Variants in GOLGA1 observed in about 807,000 individuals in gnomAD.
The protein encoded by GOLGA1 is golgin subfamily A member 1.
A neutral mutation model predicts 119.7 loss-of-function variants in GOLGA1; 63 were observed. The observed-to-expected ratio is 0.53, with a 90% CI of 0.43 to 0.65. The LOEUF is 0.65. GOLGA1 is among the 30% of genes least tolerant of loss of function. GOLGA1 has a pLI of 0.00. For missense variants in GOLGA1, 798 were observed against 912.8 expected (o/e 0.87, Z 1.62); for synonymous variants, 318 against 333.4 (o/e 0.95, Z 0.50).
intron 12 of GOLGA1, among the ~76,000 whole-genome samples, chr9:124,904,638 G>A (rs1423292945): frequency 3.3e-5 from 5 of 151,912 alleles, no homozygotes; most frequent in African/African-American, 9.7e-5. Flanking sequence ...GTGAAACCCC[G>A]TCTCCACTAA....
chr9:124,922,572 G>A (rs1236777245), intron 8 of GOLGA1, among the ~76,000 whole-genome samples: 8 of 143,714 alleles, frequency 5.6e-5, no homozygotes, highest in East Asian at 4.0e-4. Context: ...AAAAAAGAAA[G>A]AAAGAAAGGA....
chr9:124,931,328 C>T lies in GOLGA1; in HGVS notation c.214G>A (p.Ala72Thr). ...TTCTTAGACATACCAGAAAGTCTGG[C>T]CTCTAACTTCCGTATCTGTTCATTC... ...RRNEQIRKLE[A>T]RLSDYAEQVR... Residue 72 changes from alanine (A) to threonine (T), a missense_variant, in exon 4 of 23, where the codon GCC becomes ACC. Ala to Thr is a moderately conservative substitution (Grantham distance 58). Coordinates refer to ENST00000373555, the MANE Select transcript of GOLGA1 (RefSeq NM_002077.4). The T allele has an allele frequency of 1.3e-6, 2 of 1,534,596 alleles. No homozygotes were observed. Among genetic ancestry groups the T allele is most frequent in the Non-Finnish European group, 9.0e-7 (1 of 1,107,576 alleles).
rs916948079 is a variant in GOLGA1, at chr9:124,878,586, T to G, written c.*1944A>C. On this transcript the variant is annotated 3_prime_UTR_variant, in exon 23 of 23. Coordinates refer to ENST00000373555, the MANE Select transcript of GOLGA1 (RefSeq NM_002077.4). ...AGAATATTTATTCCACTCTTCCTCT[T>G]AAAGCTGAAGGAAATTCAACATGCA... is the stretch of plus-strand genomic sequence containing the variant. 2 of 152,560 alleles carry G rather than the reference T, an allele frequency of 1.3e-5. No homozygotes were observed. The highest frequency in any genetic ancestry group is 1.3e-4 in the Admixed American group (2 of 15,278). The allele number at this position is 152,560 out of a possible 1,614,324, so 9.5% of individuals were successfully genotyped here. A position where few individuals can be genotyped will look rare whatever the true frequency, so the allele number is the denominator to read the frequency against.
chr9:124,920,752 G>A (rs1830549989), intron 10 of GOLGA1, among the ~76,000 whole-genome samples: 1 of 151,632 alleles, frequency 6.6e-6, no homozygotes, highest in Admixed American at 6.6e-5. Flanking sequence ...TGGCCAACAT[G>A]GTAAAACCCT....
rs376526127 is a variant in GOLGA1, at chr9:124,926,714, C to T, written c.427G>A (p.Glu143Lys). The T allele has an allele frequency of 8.5e-5, 134 of 1,582,856 alleles. No individual in the cohort carries two copies. The highest frequency in any genetic ancestry group is 2.0e-4 in the Admixed American group (12 of 59,694). The change falls in exon 7 of 23, where the codon GAA becomes AAA. Residue 143 changes from glutamate (E) to lysine (K), a missense_variant. Transcript: ENST00000373555. Reference sequence around the variant, plus strand: ...AAAAATAAAGATGAACTAACCTTTTCAAGCTGATCCATCTTTTCTGACCAT... The same window carrying T: ...AAAAATAAAGATGAACTAACCTTTTTAAGCTGATCCATCTTTTCTGACCAT... ...QEWSEKMDQL[E>K]KEKNILTAQL...
At chr9:124,918,013 C>T (rs1588085063) in intron 10 of GOLGA1, among the ~76,000 whole-genome samples, 1 of 152,166 alleles carries the variant, frequency 6.6e-6, no homozygotes, top group South Asian at 2.1e-4. Context: ...CCACCATGCC[C>T]AGCTAATTTT....
In GOLGA1 at chr9:124,938,818, G is replaced by C; in HGVS notation, c.-107C>G. 1.2e-6 allele frequency: 1 copy of C among 855,698 alleles called. No homozygotes were observed. Among genetic ancestry groups the C allele is most frequent in the Non-Finnish European group, 1.8e-6 (1 of 564,270 alleles). The allele number at this position is 855,698 out of a possible 1,614,324, so 53.0% of individuals were successfully genotyped here. On this transcript the variant is annotated 5_prime_UTR_variant, in exon 3 of 23. Coordinates refer to ENST00000373555, the MANE Select transcript of GOLGA1 (RefSeq NM_002077.4). ...TACAAAGTTTCAGACATCCAAGCTA[G>C]CTGCATTCCCACTTAAATGTGGGCC... is the stretch of plus-strand genomic sequence containing the variant.
chr9:124,928,375 A>C, intron 5 of GOLGA1, 90 bp from the exon 6 acceptor site: 20 of 603,940 alleles, frequency 3.3e-5, no homozygotes, highest in Non-Finnish European at 5.8e-6. Flanking sequence ...TCACCTAATG[A>C]AAAAGGCCAA....
intron 16 of GOLGA1, 144 bp downstream of exon 16, chr9:124,890,245 C>T (rs1016303751): frequency 6.3e-6 from 4 of 632,340 alleles, no homozygotes; most frequent in Non-Finnish European, 8.5e-6. Flanking sequence ...CAGGGGCCCA[C>T]GCAGCTGACT....
intron 12 of GOLGA1, among the ~76,000 whole-genome samples, chr9:124,903,443 A>C (rs193080656): frequency 6.1e-4 from 93 of 151,758 alleles, no homozygotes; most frequent in Admixed American, 2.8e-3. Flanking sequence ...GCACCACTGC[A>C]CTCCAGCCTG....
rs975420318 is a variant in GOLGA1, at chr9:124,914,070, G to GA, written c.844-2045dup. Among the ~76,000 whole-genome samples, 12 of 150,526 alleles carry GA rather than the reference G, an allele frequency of 8.0e-5. No individual in the cohort carries two copies. The South Asian group carries it at 1.1e-3, about 13-fold the overall frequency. ...ACAGGAAAGTGAGTGAGTGTGATAG[G>GA]AAAAAAAAAGCCAGTTTTGGCCATG... is the stretch of plus-strand genomic sequence containing the variant. On this transcript the variant is annotated intron_variant, in intron 10 of 22. Transcript: ENST00000373555.
At chr9:124,884,433 T>C (rs1183476774) in intron 19 of GOLGA1, among the ~76,000 whole-genome samples, 1 of 152,238 alleles carries the variant, frequency 6.6e-6, no homozygotes, top group Admixed American at 6.5e-5. Flanking sequence ...ACATTTTTCA[T>C]GTATCAGAGT....
intron 19 of GOLGA1, among the ~76,000 whole-genome samples, chr9:124,883,568 C>T (rs1191486547): frequency 6.6e-6 from 1 of 152,202 alleles, no homozygotes; most frequent in East Asian, 1.9e-4. Context: ...CTGCCTCAGC[C>T]TCCTGAGTAG....
chr9:124,934,500 A>G (rs756469808), intron 3 of GOLGA1, among the ~76,000 whole-genome samples: 3 of 152,204 alleles, frequency 2.0e-5, no homozygotes, highest in African/African-American at 7.2e-5. Context: ...GAGAGGAAAT[A>G]GCATGTGCAA....
chr9:124,916,403 TA>T (rs1463056742), intron 10 of GOLGA1, among the ~76,000 whole-genome samples: 2 of 151,900 alleles, frequency 1.3e-5, no homozygotes, highest in Non-Finnish European at 2.9e-5. Flanking sequence ...AGAAAATGCA[TA>T]AATACTACTA....
chr9:124,918,332 G>C (rs1448365381), intron 10 of GOLGA1, among the ~76,000 whole-genome samples: 2 of 152,156 alleles, frequency 1.3e-5, no homozygotes, highest in African/African-American at 4.8e-5. Flanking sequence ...TGAACACCCA[G>C]CACAGAGCCC....
intron 10 of GOLGA1, among the ~76,000 whole-genome samples, chr9:124,916,500 T>A (rs572048378): frequency 1.3e-5 from 2 of 152,060 alleles, no homozygotes; most frequent in South Asian, 4.2e-4. Flanking sequence ...AACAATTATG[T>A]AGAAAAATAT....
In GOLGA1 at chr9:124,882,580, C is replaced by G. The variant is rs1388732060; in HGVS notation, c.1906-11G>C. Reference sequence around the variant, plus strand: ...CATCTGCTTTATGGTCTGCGACAAGCCCCACCCCACAGAAAGCCAATCGTT... The same window carrying G: ...CATCTGCTTTATGGTCTGCGACAAGGCCCACCCCACAGAAAGCCAATCGTT... On this transcript the variant is annotated splice_polypyrimidine_tract_variant and intron_variant, in intron 19 of 22. Coordinates refer to ENST00000373555, the MANE Select transcript of GOLGA1 (RefSeq NM_002077.4). The G allele has an allele frequency of 6.2e-7, 1 of 1,609,120 alleles. No individual in the cohort carries two copies. Among genetic ancestry groups the G allele is most frequent in the East Asian group, 2.2e-5 (1 of 44,864 alleles).
chr9:124,882,452 G>T, intron 20 of GOLGA1, 58 bp downstream of exon 20: 1 of 1,292,110 alleles, frequency 7.7e-7, no homozygotes. Flanking sequence ...AGGAGGACCG[G>T]GCACAGGCAG....
Sources: gnomAD v4.1 joint callset for allele counts (sites outside exome capture counted in the v4.1 genomes callset) on GRCh38, gnomAD v4.1.1 for gene constraint, MANE v1.5 for transcripts, NCBI Gene and HGNC (gene_info 2026-07-23, HGNC 2026-07-21) for gene names.